The following ADAM29 variants were observed in gnomAD, a reference collection of about 807,000 sequenced individuals.
ADAM29 encodes the protein ADAM metallopeptidase domain 29.
For synonymous variants in ADAM29, 367 were observed against 342.3 expected, an observed-to-expected ratio of 1.07 and a Z score of -0.80; for missense variants, 969 against 1,001.8, an observed-to-expected ratio of 0.97 and a Z score of 0.44.
chr4:174,964,120 GC>G (rs1318241261), intron 4 of ADAM29, among the ~76,000 whole-genome samples: 2 of 151,844 alleles, frequency 1.3e-5, no homozygotes, highest in Non-Finnish European at 2.9e-5. Context: ...TGGTTTGAAG[GC>G]CCAACCCCCA....
chr4:174,978,052 C>T lies in ADAM29; in HGVS notation c.*64C>T, dbSNP rs1401048047. ...TGTGACGCCCTCCCAGAGCCAACCT[C>T]GGGTGACACCCTCCCAGAGTCAACC... On this transcript the variant is annotated 3_prime_UTR_variant, in exon 5 of 5. Transcript: ENST00000359240. 5.0e-6 allele frequency: 8 copies of T among 1,589,520 alleles called. No homozygotes were observed. The highest frequency in any genetic ancestry group is 2.7e-5 in the African/African-American group (2 of 74,512).
chr4:174,938,866 T>C (rs1466336113), intron 4 of ADAM29, among the ~76,000 whole-genome samples: 1 of 152,140 alleles, frequency 6.6e-6, no homozygotes, highest in East Asian at 1.9e-4. Context: ...GAAGAGACTC[T>C]GGGGCAGAAT....
intron 4 of ADAM29, among the ~76,000 whole-genome samples, chr4:174,945,759 C>T (rs10866374): frequency 0.71 from 108,073 of 151,950 alleles, 39,892 homozygotes; most frequent in Non-Finnish European, 0.81. Context: ...GTCATTTACC[C>T]ATTGCTTGTT....
chr4:174,936,899 A>C (rs1744235904), intron 3 of ADAM29, 34 bp from the exon 4 acceptor site: 3 of 152,022 alleles, frequency 2.0e-5, no homozygotes, highest in Non-Finnish European at 4.4e-5. Flanking sequence ...ATCTGTGATA[A>C]TATTTTAAAT....
rs141535888 is a variant in ADAM29 at position 174,973,195 on chromosome 4, T to C, written c.-180-2151T>C. On this transcript the variant is annotated intron_variant, in intron 4 of 4. Transcript: ENST00000359240. The stretch of plus-strand genomic sequence containing the variant: ...TCTCCATCCTCTGCAGAAAGCTAGA[T>C]TGTGGTAGACCAGTCAGAGCTCCAA... Among the ~76,000 whole-genome samples, 1,216 of 152,282 alleles carry C rather than the reference T, an allele frequency of 8.0e-3. 20 individuals are homozygous for C. The highest frequency in any genetic ancestry group is 0.026 in the African/African-American group (1,087 of 41,566).
chr4:174,963,493 C>CA (rs964051064), intron 4 of ADAM29, among the ~76,000 whole-genome samples: 6 of 150,160 alleles, frequency 4.0e-5, no homozygotes, highest in Non-Finnish European at 8.9e-5. Context: ...AAGGCCTTAG[C>CA]AAAAAAAAGA....
chr4:174,921,618 G>T (rs1331600089), intron 2 of ADAM29, among the ~76,000 whole-genome samples: 3 of 152,136 alleles, frequency 2.0e-5, no homozygotes, highest in African/African-American at 4.8e-5. Context: ...AAGGATAGTG[G>T]CTAACAATGT....
intron 2 of ADAM29, among the ~76,000 whole-genome samples, chr4:174,924,842 T>C (rs890854751): frequency 3.3e-5 from 5 of 152,160 alleles, no homozygotes; most frequent in African/African-American, 1.2e-4. Flanking sequence ...GCTATGCAAG[T>C]TGACACCCTT....
In ADAM29 at chr4:174,976,593, G is replaced by A; in HGVS notation, c.1068G>A (p.Met356Ile). Residue 356 changes from methionine (M) to isoleucine (I), a missense_variant, in exon 5 of 5, where the codon ATG (methionine) becomes ATA (isoleucine). Transcript: ENST00000359240. ...GTTGTTCACAACCTAGATGCATAAT[G>A]CATGAAGGCAACCCACCAATAACTA... ...TCRCSQPRCI[M>I]HEGNPPITKF... 6.2e-7 allele frequency: 1 copy of A among 1,605,324 alleles called. No homozygotes were observed. The highest frequency in any genetic ancestry group is 8.5e-7 in the Non-Finnish European group (1 of 1,175,714).
At chr4:174,929,788 ACT>A (rs1220167868) in intron 2 of ADAM29, among the ~76,000 whole-genome samples, 2 of 141,550 alleles carry the variant, frequency 1.4e-5, no homozygotes, top group Non-Finnish European at 3.0e-5. Context: ...ACAGACTCTC[ACT>A]CTGTTGCCCA....
In ADAM29 at chr4:174,976,261, T is replaced by C. The variant is rs781122150; in HGVS notation, c.736T>C (p.Phe246Leu). 2 of 1,609,570 alleles carry C rather than the reference T, an allele frequency of 1.2e-6. No homozygotes were observed. Among genetic ancestry groups the C allele is most frequent in the Admixed American group, 1.7e-5 (1 of 59,138 alleles). ...LDVIGVKVLL[F>L]GLEIWTNKNL... Reference sequence around the variant, plus strand: ...TGTCATTGGTGTTAAGGTGTTATTATTTGGTTTGGAGATCTGGACCAATAA... The same window carrying C: ...TGTCATTGGTGTTAAGGTGTTATTACTTGGTTTGGAGATCTGGACCAATAA... The change falls in exon 5 of 5, where the codon TTT becomes CTT. Residue 246 changes from phenylalanine (F) to leucine (L), a missense_variant. Phe to Leu is a conservative substitution (Grantham distance 22, BLOSUM62 0). Coordinates refer to ENST00000359240, the MANE Select transcript of ADAM29 (RefSeq NM_014269.4).
chr4:174,919,001 C>A (rs1743025070), intron 1 of ADAM29: 1 of 152,114 alleles, frequency 6.6e-6, no homozygotes, highest in African/African-American at 2.4e-5. Flanking sequence ...GTAATTATGA[C>A]TTAGGGCTTA....
chr4:174,975,938 C>T lies in ADAM29; in HGVS notation c.413C>T (p.Pro138Leu), dbSNP rs1164332843. ...AATGACTTTGCTTATGAAATCAAGC[C>T]CCTAGCATTTTCTACCACGTTTGAA... ...QINDFAYEIK[P>L]LAFSTTFEHL... is the part of the protein sequence containing the mutation. The change falls in exon 5 of 5, where the codon CCC (proline) becomes CTC (leucine). Residue 138 changes from proline (P) to leucine (L), a missense_variant. Coordinates refer to ENST00000359240, the MANE Select transcript of ADAM29 (RefSeq NM_014269.4). 1.2e-6 allele frequency: 2 copies of T among 1,613,880 alleles called. No homozygotes were observed. Among genetic ancestry groups the T allele is most frequent in the Middle Eastern group, 1.7e-4 (1 of 6,060 alleles).
intron 4 of ADAM29, 55 bp from the exon 5 acceptor site, chr4:174,975,291 T>G: frequency 2.6e-6 from 1 of 381,284 alleles, no homozygotes; most frequent in Non-Finnish European, 4.6e-6. Context: ...TGGATTCTCT[T>G]ATAAGAAGAA....
At chr4:174,953,033 T>C (rs1745274991) in intron 4 of ADAM29, among the ~76,000 whole-genome samples, 1 of 152,198 alleles carries the variant, frequency 6.6e-6, no homozygotes, top group African/African-American at 2.4e-5. Flanking sequence ...ACGCCTGTAA[T>C]CCTAGCACTT....
intron 4 of ADAM29, among the ~76,000 whole-genome samples, chr4:174,937,787 T>C (rs1744286595): frequency 6.6e-6 from 1 of 152,074 alleles, no homozygotes; most frequent in East Asian, 1.9e-4. Context: ...CATTTTATAC[T>C]TTTTCATATA....
intron 4 of ADAM29, among the ~76,000 whole-genome samples, chr4:174,944,730 G>A (rs1008335942): frequency 6.6e-6 from 1 of 152,052 alleles, no homozygotes; most frequent in African/African-American, 2.4e-5. Flanking sequence ...TATCCTTTGT[G>A]TCCATGTGTA....
intron 2 of ADAM29, among the ~76,000 whole-genome samples, chr4:174,923,414 A>G (rs1430372270): frequency 6.6e-6 from 1 of 151,438 alleles, no homozygotes; most frequent in Non-Finnish European, 1.5e-5. Flanking sequence ...TTGCTTGAGC[A>G]CAGGGTGAGT....
At chr4:174,948,394 G>A (rs551145972) in intron 4 of ADAM29, among the ~76,000 whole-genome samples, 2 of 152,118 alleles carry the variant, frequency 1.3e-5, no homozygotes, top group East Asian at 3.9e-4. Flanking sequence ...GGTGGGTTCA[G>A]TCCACTGACT....
Sources: gnomAD v4.1 joint callset for allele counts (sites outside exome capture counted in the v4.1 genomes callset) on GRCh38, gnomAD v4.1.1 for gene constraint, MANE v1.5 for transcripts, NCBI Gene and HGNC (gene_info 2026-07-23, HGNC 2026-07-21) for gene names.